Variants in MGST3 observed in about 807,000 individuals in gnomAD.
MGST3 encodes the protein glutathione S-transferase 3, mitochondrial.
MGST3 carries 13 observed loss-of-function variants against 15.8 expected under a neutral mutation model. The observed-to-expected ratio is 0.82, with a 90% confidence interval of 0.54 to 1.31. The LOEUF (loss-of-function observed/expected upper bound fraction) is 1.31, where lower values mean the gene tolerates loss of function less well. Ranked by LOEUF, MGST3 falls within the 50% of genes most tolerant of loss-of-function variation. MGST3 has a pLI of 0.00. For synonymous variants in MGST3, 49 were observed against 68.1 expected (o/e 0.72, Z 1.38); for missense variants, 155 against 192.4 (o/e 0.81, Z 1.15).
At chr1:165,633,882 G>A (rs1423565967) in intron 1 of MGST3, among the ~76,000 whole-genome samples, 1 of 152,122 alleles carries the variant, frequency 6.6e-6, no homozygotes, top group Non-Finnish European at 1.5e-5. Flanking sequence ...GCCAGTTTCT[G>A]TGTTACTTTG....
intron 1 of MGST3, among the ~76,000 whole-genome samples, chr1:165,640,128 C>G (rs1648223925): frequency 6.6e-6 from 1 of 152,162 alleles, no homozygotes; most frequent in African/African-American, 2.4e-5. Context: ...AAAATCTGAT[C>G]TGGTGAGTGA....
intron 1 of MGST3, 122 bp from the exon 2 acceptor site, chr1:165,649,719 A>C: frequency 1.7e-6 from 2 of 1,167,256 alleles, no homozygotes; most frequent in Non-Finnish European, 1.3e-6. Flanking sequence ...AGATTGATTC[A>C]TACCTTTTTT....
intron 1 of MGST3, chr1:165,632,190 A>G: frequency 1.3e-6 from 2 of 1,561,930 alleles, no homozygotes; most frequent in African/African-American, 1.3e-5. Context: ...TAGGATGGGT[A>G]GAAGGAGAGG....
chr1:165,632,000 T>C (rs1177790267), intron 1 of MGST3: 3 of 465,740 alleles, frequency 6.4e-6, no homozygotes, highest in African/African-American at 1.9e-5. Context: ...CACGGAGCCG[T>C]AGGGCTACAG....
intron 1 of MGST3, among the ~76,000 whole-genome samples, chr1:165,641,138 G>C (rs149813630): frequency 6.6e-6 from 1 of 152,122 alleles, no homozygotes; most frequent in Admixed American, 6.5e-5. Context: ...AGCCTAGATC[G>C]TGCCACTTCA....
chr1:165,654,260 T>G lies in MGST3; in HGVS notation c.250-19T>G. On this transcript the variant is annotated intron_variant, in intron 4 of 5. Coordinates refer to ENST00000367889, the MANE Select transcript of MGST3 (RefSeq NM_004528.4). ...CTTGTTTCTTTCATGCAAATACTAA[T>G]GTAGCCCTTTTTTCTTAGCGTATAG... 1 of 1,612,952 alleles carries G rather than the reference T, an allele frequency of 6.2e-7. No individual in the cohort carries two copies. Among genetic ancestry groups the G allele is most frequent in the Non-Finnish European group, 8.5e-7 (1 of 1,178,868 alleles).
At chr1:165,648,940 T>G (rs569173830) in intron 1 of MGST3, 1 of 152,242 alleles carries the variant, frequency 6.6e-6, no homozygotes, top group Admixed American at 6.5e-5. Context: ...TTTGTTAGGA[T>G]GATTAGATAC....
chr1:165,632,380 T>G (rs1647978984), intron 1 of MGST3: 1 of 1,246,516 alleles, frequency 8.0e-7, no homozygotes, highest in South Asian at 1.2e-5. Flanking sequence ...GTAGATCACC[T>G]GGAGCCAGCA....
intron 1 of MGST3, 108 bp downstream of exon 1, chr1:165,631,401 C>T (rs758618334): frequency 2.6e-5 from 4 of 152,682 alleles, no homozygotes; most frequent in African/African-American, 7.2e-5. Flanking sequence ...GAATAGAGAC[C>T]CGCTGTCTCT....
At chr1:165,633,505 A>T (rs1648014219) in intron 1 of MGST3, among the ~76,000 whole-genome samples, 1 of 152,092 alleles carries the variant, frequency 6.6e-6, no homozygotes, top group Non-Finnish European at 1.5e-5. Flanking sequence ...CACCCTTTAA[A>T]AATAAGTAAG....
At chr1:165,634,886 C>T (rs574515982) in intron 1 of MGST3, among the ~76,000 whole-genome samples, 2 of 148,596 alleles carry the variant, frequency 1.3e-5, no homozygotes, top group Non-Finnish European at 3.0e-5. Context: ...TTGAGTGGAA[C>T]ATGGCATTTA....
At position 165,655,418 on chromosome 1, in the gene MGST3, T is replaced by G. The variant is rs749145886; in HGVS notation, c.373T>G (p.Leu125Val). 4.3e-6 allele frequency: 7 copies of G among 1,614,100 alleles called. No homozygotes were observed. The Middle Eastern group carries it at 1.2e-3, about 266-fold the overall frequency. The change falls in exon 6 of 6, where the codon TTG (leucine) becomes GTG (valine). Residue 125 changes from leucine to valine, a missense_variant. Transcript: ENST00000367889. Reference sequence around the variant, plus strand: ...CCTGGGGTCCATCGCCCTCCTGGGCTTGGTGGGCACAACTGTGTGCTCTGC... The same window carrying G: ...CCTGGGGTCCATCGCCCTCCTGGGCGTGGTGGGCACAACTGTGTGCTCTGC... ...GALGSIALLGLVGTTVCSAFQ... is the reference protein window; with the variant it reads ...GALGSIALLGVVGTTVCSAFQ...
intron 1 of MGST3, among the ~76,000 whole-genome samples, chr1:165,635,112 G>T (rs1489493861): frequency 6.6e-6 from 1 of 151,776 alleles, no homozygotes; most frequent in African/African-American, 2.4e-5. Context: ...CGCCCTCTGA[G>T]GTTGCTGCCT....
chr1:165,651,568 T>G, intron 3 of MGST3: 1 of 297,666 alleles, frequency 3.4e-6, no homozygotes, highest in Non-Finnish European at 6.4e-6. Flanking sequence ...GAATGTTTAT[T>G]TTTACCCCCA....
chr1:165,639,049 C>G (rs572605420), intron 1 of MGST3, among the ~76,000 whole-genome samples: 1 of 152,168 alleles, frequency 6.6e-6, no homozygotes, highest in African/African-American at 2.4e-5. Context: ...AGAAGTAAAA[C>G]TGTCTCTCTT....
intron 2 of MGST3, chr1:165,650,247 A>G (rs777033436): frequency 1.1e-5 from 5 of 453,876 alleles, no homozygotes; most frequent in Non-Finnish European, 2.0e-5. Context: ...GCTATTTGCT[A>G]GGAAGAGAGT....
chr1:165,651,074 G>C lies in MGST3; in HGVS notation c.178G>C (p.Ala60Pro). 6.2e-7 allele frequency: 1 copy of C among 1,614,186 alleles called. No homozygotes were observed. The highest frequency in any genetic ancestry group is 1.7e-5 in the Admixed American group (1 of 60,024). ...NGHIFNCIQR[A>P]HQNTLEVYPP... ...GCACATCTTCAACTGCATTCAGCGA[G>C]CCCACCAGAACACGTGAGTGTCGGC... Residue 60 changes from alanine to proline, a missense_variant, in exon 3 of 6, where the codon GCC becomes CCC. By Grantham distance (27) the Ala-to-Pro change is conservative. Transcript: ENST00000367889.
intron 1 of MGST3, among the ~76,000 whole-genome samples, chr1:165,642,447 A>AGTTCAGAAAAG (rs1327162218): frequency 4.6e-5 from 7 of 152,206 alleles, no homozygotes; most frequent in Non-Finnish European, 1.0e-4. Flanking sequence ...GGCTGCTGAG[A>AGTTCAGAAAAG]GTTCAGAAAA....
chr1:165,631,920 G>A (rs1647956581), intron 1 of MGST3: 1 of 296,838 alleles, frequency 3.4e-6, no homozygotes, highest in Admixed American at 4.6e-5. Flanking sequence ...GACGCCTCTA[G>A]GCGGGTGGGG....
Sources: allele counts gnomAD v4.1 joint callset (sites outside exome capture counted in the v4.1 genomes callset), GRCh38; gene constraint gnomAD v4.1.1; transcripts MANE v1.5; gene names NCBI Gene and HGNC (gene_info 2026-07-23, HGNC 2026-07-21).